PHYHIPL: variants seen among roughly 807,000 people sequenced by gnomAD.
PHYHIPL encodes the protein phytanoyl-CoA hydroxylase-interacting protein-like.
PHYHIPL carries 9 observed loss-of-function variants against 33.4 expected under a neutral mutation model. That is an observed-to-expected ratio of 0.27 (90% CI 0.16 to 0.47). The LOEUF (loss-of-function observed/expected upper bound fraction) is 0.47, where lower values mean the gene tolerates loss of function less well. PHYHIPL is among the 20% of genes least tolerant of loss of function. PHYHIPL has a pLI of 0.99. For synonymous variants in PHYHIPL, 153 were observed against 154.1 expected (o/e 0.99, Z 0.05); for missense variants, 365 against 460.7 (o/e 0.79, Z 1.90).
At chr10:59,202,513 A>G (rs912045681) in intron 1 of PHYHIPL, among the ~76,000 whole-genome samples, 1 of 152,172 alleles carries the variant, frequency 6.6e-6, no homozygotes, top group African/African-American at 2.4e-5. Flanking sequence ...CTTTTGCTGA[A>G]TGACTTGGGT....
intron 1 of PHYHIPL, among the ~76,000 whole-genome samples, chr10:59,190,767 T>G (rs1838760376): frequency 6.6e-6 from 1 of 151,826 alleles, no homozygotes; most frequent in Admixed American, 6.6e-5. Flanking sequence ...TAGAAAGTGT[T>G]TCTTGTTTTT....
intron 1 of PHYHIPL, among the ~76,000 whole-genome samples, chr10:59,213,441 A>G (rs924948655): frequency 2.6e-5 from 4 of 152,266 alleles, no homozygotes; most frequent in Middle Eastern, 3.4e-3. Flanking sequence ...AATATTTATA[A>G]AAAAATAATA....
chr10:59,241,340 TACTC>T (rs1318784562), intron 4 of PHYHIPL, among the ~76,000 whole-genome samples: 13 of 152,268 alleles, frequency 8.5e-5, no homozygotes, highest in East Asian at 7.7e-4. Flanking sequence ...GATAAATACT[TACTC>T]AGTCCATAAG....
chr10:59,178,898 A>G (rs72806586), intron 1 of PHYHIPL, among the ~76,000 whole-genome samples: 4,337 of 152,242 alleles, frequency 0.028, 111 homozygotes, highest in Non-Finnish European at 0.039. Flanking sequence ...GGGTGCTGGC[A>G]CTAAGTAACA....
At chr10:59,177,270 C>G (rs548625239) in intron 1 of PHYHIPL, 3 of 603,266 alleles carry the variant, frequency 5.0e-6, no homozygotes, top group Middle Eastern at 4.6e-4. Context: ...CGAGGCGTTT[C>G]CGATCTTTGC....
chr10:59,220,274 A>G (rs1839731797), intron 1 of PHYHIPL, among the ~76,000 whole-genome samples: 1 of 152,058 alleles, frequency 6.6e-6, no homozygotes, highest in Non-Finnish European at 1.5e-5. Context: ...AATGGGAGGT[A>G]TTGACAAGTT....
In PHYHIPL at chr10:59,180,309, A is replaced by G. The variant is rs1038719697; in HGVS notation, c.106+3350A>G. 5.7e-5 allele frequency among the ~76,000 whole-genome samples: 6 copies of G among 104,412 alleles called. No individual in the cohort carries two copies. The South Asian group carries it at 9.6e-4, about 17-fold the overall frequency. 68.5% of individuals were successfully genotyped at this position (104,412 alleles called of 152,430 possible). A position where few individuals can be genotyped will look rare whatever the true frequency, so the allele number is the denominator to read the frequency against. ...ACACATATATAATATATATATATAG[A>G]AAAAGTATATATATATATATATATA... is the stretch of plus-strand genomic sequence containing the variant. On this transcript the variant is annotated intron_variant, in intron 1 of 4. Transcript: ENST00000373880.
chr10:59,241,342 C>T (rs894568582), intron 4 of PHYHIPL, among the ~76,000 whole-genome samples: 15 of 152,054 alleles, frequency 9.9e-5, no homozygotes, highest in Non-Finnish European at 1.9e-4. Flanking sequence ...TAAATACTTA[C>T]TCAGTCCATA....
chr10:59,214,441 A>G (rs1173027744), intron 1 of PHYHIPL, among the ~76,000 whole-genome samples: 2 of 152,150 alleles, frequency 1.3e-5, no homozygotes, highest in African/African-American at 4.8e-5. Context: ...CCCTAGTGAC[A>G]TGTACCCTAC....
At chr10:59,193,105 A>G (rs762028532) in intron 1 of PHYHIPL, among the ~76,000 whole-genome samples, 4 of 152,098 alleles carry the variant, frequency 2.6e-5, no homozygotes, top group Non-Finnish European at 4.4e-5. Flanking sequence ...AGGTTTTTCA[A>G]CTGCTCATTA....
chr10:59,244,964 C>A, intron 4 of PHYHIPL, 93 bp from the exon 5 acceptor site: 1 of 1,320,810 alleles, frequency 7.6e-7, no homozygotes. Flanking sequence ...AGGCCTTTAA[C>A]AGTAGATGTT....
intron 1 of PHYHIPL, among the ~76,000 whole-genome samples, chr10:59,185,241 C>T (rs1212595858): frequency 6.6e-5 from 10 of 152,070 alleles, no homozygotes; most frequent in South Asian, 2.1e-4. Context: ...CCGCCCGCCT[C>T]GGCCTCCCAA....
chr10:59,214,603 G>T (rs181924010), intron 1 of PHYHIPL, among the ~76,000 whole-genome samples: 1 of 152,124 alleles, frequency 6.6e-6, no homozygotes, highest in East Asian at 1.9e-4. Context: ...TGTCATTCCT[G>T]CTCCGTTTGA....
intron 1 of PHYHIPL, among the ~76,000 whole-genome samples, chr10:59,182,466 C>T (rs1257241579): frequency 6.6e-6 from 1 of 152,090 alleles, no homozygotes; most frequent in African/African-American, 2.4e-5. Flanking sequence ...CCTCAGCCTC[C>T]CAAGTAGCTA....
At position 59,245,772 on chromosome 10, in the gene PHYHIPL, A is replaced by G. The variant is rs1326999974; in HGVS notation, c.*181A>G. On this transcript the variant is annotated 3_prime_UTR_variant, in exon 5 of 5. Transcript: ENST00000373880. ...CCATTTTAGTGTTTTCCTATTCCCT[A>G]CCCCTCCCACTACTTTCAATGATGA... 4 of 585,878 alleles carry G rather than the reference A, an allele frequency of 6.8e-6. No homozygotes were observed. The highest frequency in any genetic ancestry group is 8.6e-6 in the Non-Finnish European group (3 of 349,378). The allele number at this position is 585,878 out of a possible 1,614,324, so 36.3% of individuals were successfully genotyped here. A position where few individuals can be genotyped will look rare whatever the true frequency, so the allele number is the denominator to read the frequency against.
chr10:59,215,420 A>G (rs1307620949), intron 1 of PHYHIPL, among the ~76,000 whole-genome samples: 3 of 152,056 alleles, frequency 2.0e-5, no homozygotes, highest in Non-Finnish European at 4.4e-5. Context: ...TTCAAGTGGT[A>G]TTTTTAGAAA....
At chr10:59,219,249 A>G in intron 1 of PHYHIPL, 1 of 935,286 alleles carries the variant, frequency 1.1e-6, no homozygotes, top group African/African-American at 1.8e-5. Context: ...AAGCCAAAGA[A>G]GTAGAGTTAG....
intron 1 of PHYHIPL, among the ~76,000 whole-genome samples, chr10:59,180,313 A>AATATATAT (rs1838373088): frequency 7.9e-5 from 4 of 50,578 alleles, no homozygotes; most frequent in African/African-American, 1.9e-4. Flanking sequence ...ATATAGAAAA[A>AATATATAT]GTATATATAT....
At chr10:59,193,554 A>G (rs1367466518) in intron 1 of PHYHIPL, among the ~76,000 whole-genome samples, 2 of 152,082 alleles carry the variant, frequency 1.3e-5, no homozygotes, top group Non-Finnish European at 2.9e-5. Context: ...TTGACCTTGA[A>G]CCTACTAATT....
Sources: allele counts gnomAD v4.1 joint callset (sites outside exome capture counted in the v4.1 genomes callset), GRCh38; gene constraint gnomAD v4.1.1; transcripts MANE v1.5; gene names NCBI Gene and HGNC (gene_info 2026-07-23, HGNC 2026-07-21).